Variants in ELMO1 observed in about 807,000 individuals in gnomAD.
ELMO1 encodes engulfment and cell motility 1.
A neutral mutation model predicts 98.9 loss-of-function variants in ELMO1; 26 were observed. The observed-to-expected ratio is 0.26, with a 90% CI of 0.19 to 0.36. The LOEUF (loss-of-function observed/expected upper bound fraction) is 0.36. ELMO1 is among the 10% of genes least tolerant of loss of function. The pLI is 1.00. For synonymous variants in ELMO1, 346 were observed against 346.0 expected, an observed-to-expected ratio of 1.00 and a Z score of 0.00; for missense variants, 627 against 935.2, an observed-to-expected ratio of 0.67 and a Z score of 4.30.
intron 2 of ELMO1, among the ~76,000 whole-genome samples, chr7:37,334,146 A>G (rs1800270264): frequency 6.6e-6 from 1 of 152,196 alleles, no homozygotes; most frequent in Non-Finnish European, 1.5e-5. Context: ...AACATGTTTC[A>G]TGAGTGATTC....
In ELMO1 at chr7:37,109,430, A is replaced by G. The variant is rs150307604; in HGVS notation, c.1192-12703T>C. On this transcript the variant is annotated intron_variant, in intron 14 of 21. Coordinates refer to ENST00000310758, the MANE Select transcript of ELMO1 (RefSeq NM_014800.11). ...GTGAGAATCAGCAGGAAAATGTATG[A>G]GATGAGAGGGAGCCAACTCCCACAG... 9.5e-4 allele frequency among the ~76,000 whole-genome samples: 145 copies of G among 152,320 alleles called. 1 individual carries two copies. Among genetic ancestry groups the G allele is most frequent in the Non-Finnish European group, 1.1e-3 (77 of 68,028 alleles).
chr7:37,406,626 C>A (rs911264837), intron 1 of ELMO1, among the ~76,000 whole-genome samples: 1 of 151,338 alleles, frequency 6.6e-6, no homozygotes, highest in Non-Finnish European at 1.5e-5. Context: ...TTAGTAGAGA[C>A]GGGGGAGGGG....
chr7:37,041,063 G>C (rs1244332744), intron 15 of ELMO1, among the ~76,000 whole-genome samples: 2 of 152,090 alleles, frequency 1.3e-5, no homozygotes, highest in African/African-American at 4.8e-5. Context: ...CTGGGCAACA[G>C]AGTGAGATTC....
chr7:37,251,354 A>G (rs748933069), intron 6 of ELMO1, among the ~76,000 whole-genome samples: 1 of 152,190 alleles, frequency 6.6e-6, no homozygotes, highest in African/African-American at 2.4e-5. Flanking sequence ...ATGAAATTTC[A>G]AAACTCCATT....
At chr7:36,898,522 A>G (rs1242515727) in intron 16 of ELMO1, among the ~76,000 whole-genome samples, 1 of 152,206 alleles carries the variant, frequency 6.6e-6, no homozygotes, top group Non-Finnish European at 1.5e-5. Context: ...TCAAATGGAG[A>G]AATCCTTTTG....
At chr7:36,875,073 A>G (rs1296853555) in intron 19 of ELMO1, among the ~76,000 whole-genome samples, 1 of 152,228 alleles carries the variant, frequency 6.6e-6, no homozygotes, top group East Asian at 1.9e-4. Context: ...AAGAGAGGGC[A>G]ATGTTATGTG....
At chr7:36,873,087 T>C (rs576862615) in intron 19 of ELMO1, among the ~76,000 whole-genome samples, 1 of 152,210 alleles carries the variant, frequency 6.6e-6, no homozygotes. Context: ...TTATATGCAT[T>C]GTCCCTTGTC....
intron 11 of ELMO1, among the ~76,000 whole-genome samples, chr7:37,214,208 T>C (rs987001044): frequency 5.9e-5 from 9 of 152,126 alleles, no homozygotes; most frequent in African/African-American, 2.2e-4. Context: ...GGGACTAACA[T>C]ACAGCCTTTT....
intron 16 of ELMO1, among the ~76,000 whole-genome samples, chr7:36,959,199 C>T (rs1019583683): frequency 6.6e-6 from 1 of 152,066 alleles, no homozygotes. Flanking sequence ...CATCTCTAAC[C>T]CCTCCACCTT....
Position 37,355,293 on chromosome 7 carries a change from G to A in ELMO1, c.-73-12530C>T, listed in dbSNP as rs545694517. On this transcript the variant is annotated intron_variant, in intron 1 of 21. Transcript: ENST00000310758. Reference sequence around the variant, plus strand: ...ACCTTTCTCATGGGATTATTATGAAGATAAAATATCTATAAAGCAATTAGA... The same window carrying A: ...ACCTTTCTCATGGGATTATTATGAAAATAAAATATCTATAAAGCAATTAGA... Among the ~76,000 whole-genome samples, 3 of 152,304 alleles carry A rather than the reference G, an allele frequency of 2.0e-5. No individual in the cohort carries two copies. The East Asian group carries it at 5.8e-4, about 29-fold the overall frequency.
chr7:37,241,961 T>C (rs757240749), intron 7 of ELMO1, among the ~76,000 whole-genome samples: 14 of 152,206 alleles, frequency 9.2e-5, no homozygotes, highest in Non-Finnish European at 1.6e-4. Context: ...TTCTTCATAT[T>C]TTCCTACAGA....
rs76023614 is a variant in ELMO1 at position 37,059,621 on chromosome 7, C to T, written c.1300+36998G>A. On this transcript the variant is annotated intron_variant, in intron 15 of 21. Transcript: ENST00000310758. ...TTTTTAGCTGGGAAGGAGATTCAGA[C>T]TTTAATGGCCACTTAAGGAAATGTG... Among the ~76,000 whole-genome samples, 1,369 of 152,268 alleles carry T rather than the reference C, an allele frequency of 9.0e-3. 6 individuals are homozygous for T. Among genetic ancestry groups the T allele is most frequent in the Middle Eastern group, 0.014 (4 of 294 alleles).
At chr7:37,231,606 GACAA>G (rs1007682918) in intron 8 of ELMO1, among the ~76,000 whole-genome samples, 23 of 152,148 alleles carry the variant, frequency 1.5e-4, no homozygotes, top group Non-Finnish European at 2.2e-4. Flanking sequence ...AATCATAAAT[GACAA>G]ACAAAAAACC....
chr7:37,414,199 T>C lies in ELMO1; in HGVS notation c.-74+34476A>G, dbSNP rs140490499. On this transcript the variant is annotated intron_variant, in intron 1 of 21. Coordinates refer to ENST00000310758, the MANE Select transcript of ELMO1 (RefSeq NM_014800.11). ...TTCCACTAAGAAAATTAGAAAACAT[T>C]ATTTGATATTAGCAGCCAACATCCA... Among the ~76,000 whole-genome samples the C allele has an allele frequency of 1.1e-3, 145 of 136,848 alleles. 1 individual carries two copies. The highest frequency in any genetic ancestry group is 3.6e-3 in the African/African-American group (145 of 40,712). The allele number at this position is 136,848 out of a possible 152,430, so 89.8% of individuals were successfully genotyped here.
intron 6 of ELMO1, among the ~76,000 whole-genome samples, chr7:37,246,018 T>C (rs939226607): frequency 2.0e-5 from 3 of 152,164 alleles, no homozygotes; most frequent in Non-Finnish European, 2.9e-5. Context: ...CGAATCTGCT[T>C]GATATTATTT....
intron 8 of ELMO1, among the ~76,000 whole-genome samples, chr7:37,228,949 A>G (rs980622040): frequency 6.6e-6 from 1 of 152,114 alleles, no homozygotes; most frequent in African/African-American, 2.4e-5. Flanking sequence ...CCAAGATCAC[A>G]CCACTGCACT....
chr7:37,170,615 C>CTT (rs543000463), intron 13 of ELMO1, among the ~76,000 whole-genome samples: 1,383 of 137,910 alleles, frequency 0.01, 24 homozygotes, highest in African/African-American at 0.028. Flanking sequence ...TCCTTGCTTG[C>CTT]TTTTTTTTTT....
chr7:37,070,038 G>A (rs901760850), intron 15 of ELMO1, among the ~76,000 whole-genome samples: 1 of 152,166 alleles, frequency 6.6e-6, no homozygotes, highest in Admixed American at 6.5e-5. Flanking sequence ...ATATTCAAAT[G>A]AAACTTAAGC....
At chr7:37,128,258 G>T (rs1168301089) in intron 14 of ELMO1, among the ~76,000 whole-genome samples, 1 of 151,964 alleles carries the variant, frequency 6.6e-6, no homozygotes, top group Admixed American at 6.6e-5. Context: ...TCTACAACAC[G>T]CTCAACTCTG....
Sources: gnomAD v4.1 joint callset for allele counts (sites outside exome capture counted in the v4.1 genomes callset) on GRCh38, gnomAD v4.1.1 for gene constraint, MANE v1.5 for transcripts, NCBI Gene and HGNC (gene_info 2026-07-23, HGNC 2026-07-21) for gene names.